Variants in DST observed in about 807,000 individuals in gnomAD.
DST encodes the protein bullous pemphigoid antigen.
A neutral mutation model predicts 875.2 loss-of-function variants in DST; 253 were observed. The ratio of observed to expected loss-of-function variants is 0.29; its 90% CI spans 0.26 to 0.32. The LOEUF (loss-of-function observed/expected upper bound fraction) is 0.32, where lower values mean the gene tolerates loss of function less well. DST is among the 10% of genes least tolerant of loss of function. The probability of loss-of-function intolerance (pLI) is 1.00; values close to 1 mark genes in which losing one functional copy is unlikely to be tolerated. For missense variants in DST, 8,287 were observed against 9,111.6 expected (o/e 0.91, Z 3.68); for synonymous variants, 3,124 against 3,197.1 (o/e 0.98, Z 0.77).
intron 61 of DST, among the ~76,000 whole-genome samples, chr6:56,547,245 C>A (rs1050338965): frequency 5.3e-5 from 8 of 152,184 alleles, no homozygotes; most frequent in African/African-American, 1.9e-4. Context: ...TAATACCACA[C>A]AGCAGATCAG....
chr6:56,728,421 T>C (rs2099478567), intron 5 of DST, among the ~76,000 whole-genome samples: 1 of 152,198 alleles, frequency 6.6e-6, no homozygotes, highest in African/African-American at 2.4e-5. Flanking sequence ...TAAAGCAGGT[T>C]GGCAGGACAT....
intron 9 of DST, among the ~76,000 whole-genome samples, chr6:56,674,259 T>A (rs1403957752): frequency 1.3e-5 from 2 of 152,142 alleles, no homozygotes; most frequent in African/African-American, 4.8e-5. Context: ...ATGAAATGAA[T>A]GACCCAGACT....
intron 102 of DST, 83 bp from the exon 103 acceptor site, chr6:56,460,337 G>A (rs997889763): frequency 1.8e-5 from 26 of 1,474,866 alleles, no homozygotes; most frequent in South Asian, 2.5e-5. Context: ...TTACATATGG[G>A]TGGAAACTCT....
At chr6:56,728,518 T>G (rs1472431905) in intron 5 of DST, among the ~76,000 whole-genome samples, 2 of 151,920 alleles carry the variant, frequency 1.3e-5, no homozygotes, top group Non-Finnish European at 2.9e-5. Context: ...TATTAAAAAA[T>G]ACTAAAAATT....
intron 4 of DST, among the ~76,000 whole-genome samples, chr6:56,845,395 G>C (rs1448390564): frequency 6.6e-6 from 1 of 152,146 alleles, no homozygotes; most frequent in Non-Finnish European, 1.5e-5. Context: ...AAACTGACTT[G>C]AGATAGAACT....
intron 4 of DST, among the ~76,000 whole-genome samples, chr6:56,836,008 T>A (rs1427413625): frequency 6.6e-6 from 1 of 152,190 alleles, no homozygotes; most frequent in Non-Finnish European, 1.5e-5. Flanking sequence ...ATGTTAAAAT[T>A]TTATTGTCTT....
In DST at chr6:56,511,186, T is replaced by C; in HGVS notation, c.18780+11A>G. The C allele has an allele frequency of 1.3e-6, 2 of 1,567,586 alleles. No homozygotes were observed. The highest frequency in any genetic ancestry group is 2.3e-5 in the South Asian group (2 of 85,410). On this transcript the variant is annotated intron_variant, in intron 73 of 103. Coordinates refer to ENST00000680361, the MANE Select transcript of DST (RefSeq NM_001374736.1). ...CAAGAACCCAATTCTATATCTAGTG[T>C]AAACAATTACCTGAGTTGATTGAGA...
chr6:56,494,422 A>C (rs2095846825), intron 82 of DST, among the ~76,000 whole-genome samples: 1 of 152,154 alleles, frequency 6.6e-6, no homozygotes, highest in African/African-American at 2.4e-5. Context: ...CTGGCATGCT[A>C]AGATTTGAAG....
rs74450223 is a variant in DST at position 56,706,514 on chromosome 6, C to T, written c.688-2145G>A. 1.0e-2 allele frequency among the ~76,000 whole-genome samples: 1,518 copies of T among 152,176 alleles called. 25 individuals are homozygous for T. Among genetic ancestry groups the T allele is most frequent in the African/African-American group, 0.034 (1,422 of 41,506 alleles). ...ATATCTATTACATGCATGATATGTA[C>T]GCGAACAGATAAGCACTTAGGGAAA... On this transcript the variant is annotated intron_variant, in intron 5 of 103. Coordinates refer to ENST00000680361, the MANE Select transcript of DST (RefSeq NM_001374736.1).
intron 29 of DST, 119 bp from the exon 30 acceptor site, chr6:56,631,508 T>C (rs1466457128): frequency 1.9e-5 from 16 of 824,686 alleles, no homozygotes; most frequent in Middle Eastern, 3.1e-4. Context: ...AATCTACATA[T>C]TCTTTGTTTG....
At chr6:56,791,388 C>T (rs540955808) in intron 4 of DST, among the ~76,000 whole-genome samples, 24 of 152,156 alleles carry the variant, frequency 1.6e-4, no homozygotes, top group African/African-American at 5.8e-4. Flanking sequence ...CCAGAGTTCT[C>T]ACTGCTGGGA....
chr6:56,611,508 T>A lies in DST; in HGVS notation c.5147A>T (p.Lys1716Ile). The A allele has an allele frequency of 1.2e-6, 2 of 1,604,486 alleles. No homozygotes were observed. The highest frequency in any genetic ancestry group is 1.7e-6 in the Non-Finnish European group (2 of 1,171,966). Residue 1716 changes from lysine to isoleucine, a missense_variant and splice_region_variant, in exon 38 of 104, where the codon AAA becomes ATA. Physicochemically the swap from Lys to Ile is moderately radical, Grantham distance 102. Transcript: ENST00000680361. Reference protein sequence around the residue: ...IQLFLAKHGDKMTDEERNELE... With the variant: ...IQLFLAKHGDIMTDEERNELE... ...AAAGAGCTAACTACAACCAACATAC[T>A]TGTCTCCATGTTTTGCCAAAAAAAG...
At chr6:56,548,089 G>A in intron 61 of DST, among the ~76,000 whole-genome samples, 1 of 152,126 alleles carries the variant, frequency 6.6e-6, no homozygotes, top group Non-Finnish European at 1.5e-5. Context: ...CTAGATCAGG[G>A]GTGTCCAATC....
chr6:56,733,870 G>GA (rs1370967601), intron 5 of DST, among the ~76,000 whole-genome samples: 3 of 151,940 alleles, frequency 2.0e-5, no homozygotes, highest in African/African-American at 4.8e-5. Context: ...CAACAAGGGT[G>GA]AAAAAAACAG....
rs191714275 is a variant in DST, at chr6:56,482,365, A to C, written c.21403-187T>G. 54 of 607,424 alleles carry C rather than the reference A, an allele frequency of 8.9e-5. No homozygotes were observed. The South Asian group carries it at 2.5e-3, about 29-fold the overall frequency. 37.6% of individuals were successfully genotyped at this position (607,424 alleles called of 1,614,324 possible). A position where few individuals can be genotyped will look rare whatever the true frequency, so the allele number is the denominator to read the frequency against. On this transcript the variant is annotated intron_variant, in intron 89 of 103. Transcript: ENST00000680361. Reference sequence around the variant, plus strand: ...TTTACAAGAAAACACTTAATATATTAAAAAAAAAGCCTATATGAAGAAAAA... The same window carrying C: ...TTTACAAGAAAACACTTAATATATTCAAAAAAAAGCCTATATGAAGAAAAA...
chr6:56,475,593 C>T (rs2095146724), intron 92 of DST, among the ~76,000 whole-genome samples: 1 of 152,178 alleles, frequency 6.6e-6, no homozygotes, highest in Non-Finnish European at 1.5e-5. Flanking sequence ...AGGAAGGCTG[C>T]TTTTCCTAAG....
At chr6:56,507,320 T>A (rs967210678) in intron 75 of DST, among the ~76,000 whole-genome samples, 3 of 152,174 alleles carry the variant, frequency 2.0e-5, no homozygotes, top group African/African-American at 7.2e-5. Flanking sequence ...TTAAATACAT[T>A]CATTCATTCA....
In DST at chr6:56,605,268, TG is replaced by T; in HGVS notation, c.9359del (p.Pro3120GlnfsTer6). ...KKATVTLKDE[P>X]NNLQIIVSKS... Reference sequence around the variant, plus strand: ...TACTAACTATTATTTGTAGATTATTTGGTTCATCTTTAAGAGTTACAGTTGC... The same window carrying T: ...TACTAACTATTATTTGTAGATTATTTGTTCATCTTTAAGAGTTACAGTTGC... On this transcript the variant is annotated frameshift_variant, in exon 40 of 104. Transcript: ENST00000680361. LOFTEE classifies it high-confidence loss of function. 1 of 1,610,966 alleles carries T rather than the reference TG, an allele frequency of 6.2e-7. No homozygotes were observed.
At chr6:56,709,839 AAAG>A (rs1223666745) in intron 5 of DST, among the ~76,000 whole-genome samples, 17 of 152,324 alleles carry the variant, frequency 1.1e-4, no homozygotes, top group Admixed American at 9.8e-4. Context: ...TCTTCCCAGC[AAAG>A]AAGATGGGAA....
Sources: gnomAD v4.1 joint callset for allele counts (sites outside exome capture counted in the v4.1 genomes callset) on GRCh38, gnomAD v4.1.1 for gene constraint, MANE v1.5 for transcripts, NCBI Gene and HGNC (gene_info 2026-07-23, HGNC 2026-07-21) for gene names.